Variants in MAGI1 observed in about 807,000 individuals in gnomAD.
MAGI1 encodes membrane associated guanylate kinase, WW and PDZ domain containing 1, also known as membrane-associated guanylate kinase, WW and PDZ domain-containing protein 1.
MAGI1 carries 58 observed loss-of-function variants against 139.9 expected under a neutral mutation model. That is an observed-to-expected ratio of 0.41 (90% confidence interval 0.34 to 0.52). The LOEUF is 0.52. MAGI1 is among the 20% of genes least tolerant of loss of function. The pLI is 0.12. For missense variants in MAGI1, 1,874 were observed against 1,901.6 expected (o/e 0.99, Z 0.27); for synonymous variants, 812 against 737.9 (o/e 1.10, Z -1.63).
intron 22 of MAGI1, among the ~76,000 whole-genome samples, chr3:65,358,737 A>T (rs1490981866): frequency 6.6e-6 from 1 of 152,210 alleles, no homozygotes; most frequent in African/African-American, 2.4e-5. Flanking sequence ...CCCATCTAGC[A>T]AAGCCCTACG....
intron 13 of MAGI1, among the ~76,000 whole-genome samples, chr3:65,394,323 G>A (rs1399785666): frequency 6.6e-6 from 1 of 152,168 alleles, no homozygotes; most frequent in African/African-American, 2.4e-5. Context: ...GAATGAGTTT[G>A]CAAAACTGCC....
intron 1 of MAGI1, among the ~76,000 whole-genome samples, chr3:66,026,425 T>C (rs1230889005): frequency 1.3e-5 from 2 of 152,058 alleles, no homozygotes; most frequent in Admixed American, 1.3e-4. Flanking sequence ...AAATAAGACA[T>C]GGATTTTCTA....
intron 12 of MAGI1, among the ~76,000 whole-genome samples, chr3:65,408,251 G>A (rs572018603): frequency 6.6e-6 from 1 of 152,258 alleles, no homozygotes; most frequent in Admixed American, 6.5e-5. Flanking sequence ...AAGTAGAGGG[G>A]CCAATGGGAA....
chr3:65,732,034 T>G (rs1559829493), intron 1 of MAGI1, among the ~76,000 whole-genome samples: 1 of 152,236 alleles, frequency 6.6e-6, no homozygotes. Flanking sequence ...ATTTTTCCCC[T>G]TTAAATTATA....
chr3:66,029,343 C>T (rs539172991), intron 1 of MAGI1, among the ~76,000 whole-genome samples: 2 of 152,200 alleles, frequency 1.3e-5, no homozygotes, highest in South Asian at 2.1e-4. Flanking sequence ...AAGAGAGCCT[C>T]GAGTCTTGTC....
chr3:65,680,085 G>A (rs562328584), intron 1 of MAGI1, among the ~76,000 whole-genome samples: 9 of 152,264 alleles, frequency 5.9e-5, no homozygotes, highest in Non-Finnish European at 1.0e-4. Flanking sequence ...ATGGGGACAA[G>A]AAAGCTCAGA....
At chr3:65,672,070 T>C (rs566755135) in intron 1 of MAGI1, among the ~76,000 whole-genome samples, 4 of 152,236 alleles carry the variant, frequency 2.6e-5, no homozygotes, top group East Asian at 1.9e-4. Context: ...TGCAAAGTGG[T>C]TGCTGCATTC....
intron 1 of MAGI1, among the ~76,000 whole-genome samples, chr3:65,783,418 T>G (rs1577101209): frequency 6.6e-6 from 1 of 151,540 alleles, no homozygotes; most frequent in Non-Finnish European, 1.5e-5. Context: ...AGAGGGCAGG[T>G]GGGAGGATTG....
chr3:65,736,292 G>T (rs2034722381), intron 1 of MAGI1, among the ~76,000 whole-genome samples: 1 of 152,128 alleles, frequency 6.6e-6, no homozygotes, highest in Non-Finnish European at 1.5e-5. Flanking sequence ...TTAGATCAAT[G>T]GAGTTCCAGG....
At chr3:65,573,652 G>T (rs2081055603) in intron 2 of MAGI1, among the ~76,000 whole-genome samples, 1 of 152,078 alleles carries the variant, frequency 6.6e-6, no homozygotes, top group Non-Finnish European at 1.5e-5. Flanking sequence ...TGGTGAAAGA[G>T]TGAATGTTTT....
intron 1 of MAGI1, among the ~76,000 whole-genome samples, chr3:66,011,545 T>C (rs1456561515): frequency 6.6e-6 from 1 of 152,134 alleles, no homozygotes. Context: ...GAGAGTCACC[T>C]TCCCTGAGGT....
chr3:65,756,051 A>G (rs780521783), intron 1 of MAGI1, among the ~76,000 whole-genome samples: 1 of 152,222 alleles, frequency 6.6e-6, no homozygotes, highest in African/African-American at 2.4e-5. Context: ...AAGATTTTCT[A>G]TAACTGGGAA....
chr3:65,954,820 C>G (rs2064035786), intron 1 of MAGI1, among the ~76,000 whole-genome samples: 1 of 152,130 alleles, frequency 6.6e-6, no homozygotes, highest in African/African-American at 2.4e-5. Context: ...ATATACCAAG[C>G]AGGTACTCAG....
chr3:65,417,742 G>C (rs1046315279), intron 12 of MAGI1, among the ~76,000 whole-genome samples: 1 of 152,088 alleles, frequency 6.6e-6, no homozygotes, highest in Non-Finnish European at 1.5e-5. Context: ...GCAAGAGTAA[G>C]GACAGATGTA....
chr3:65,748,010 T>A (rs1271222049), intron 1 of MAGI1, among the ~76,000 whole-genome samples: 2 of 152,110 alleles, frequency 1.3e-5, no homozygotes, highest in Admixed American at 6.5e-5. Context: ...ACACAGTTTT[T>A]AAAAAGATAT....
At chr3:65,604,091 T>C (rs73835606) in intron 2 of MAGI1, among the ~76,000 whole-genome samples, 28,806 of 152,054 alleles carry the variant, frequency 0.19, 2,808 homozygotes, top group East Asian at 0.29. Flanking sequence ...AGTTCTAAGA[T>C]GTAATTAATT....
At chr3:65,615,832 T>A (rs1376266503) in intron 2 of MAGI1, among the ~76,000 whole-genome samples, 1 of 152,198 alleles carries the variant, frequency 6.6e-6, no homozygotes, top group Non-Finnish European at 1.5e-5. Context: ...TCGCGAAACA[T>A]AAATCATAGC....
At chr3:65,726,399 T>C (rs1275761605) in intron 1 of MAGI1, among the ~76,000 whole-genome samples, 1 of 152,214 alleles carries the variant, frequency 6.6e-6, no homozygotes, top group Non-Finnish European at 1.5e-5. Flanking sequence ...TGACAGTGAA[T>C]AACTATTGCA....
intron 1 of MAGI1, among the ~76,000 whole-genome samples, chr3:65,948,100 C>T (rs1205534411): frequency 2.0e-5 from 3 of 151,858 alleles, no homozygotes; most frequent in South Asian, 2.1e-4. Context: ...TGCCACCACA[C>T]CAGGCTAATT....
Sources: allele counts gnomAD v4.1 joint callset (sites outside exome capture counted in the v4.1 genomes callset), GRCh38; gene constraint gnomAD v4.1.1; transcripts MANE v1.5; gene names NCBI Gene and HGNC (gene_info 2026-07-23, HGNC 2026-07-21).